DTX2: variants seen among roughly 807,000 people sequenced by gnomAD.
The protein encoded by DTX2 is probable E3 ubiquitin-protein ligase DTX2.
A neutral mutation model predicts 55.3 loss-of-function variants in DTX2; 29 were observed. That is an observed-to-expected ratio of 0.52 (90% CI 0.39 to 0.71). DTX2 has a LOEUF of 0.71. Among genes scored for constraint, DTX2 ranks in the 30% least tolerant of loss-of-function variants. DTX2 has a pLI of 0.00. For missense variants in DTX2, 537 were observed against 822.5 expected (o/e 0.65, Z 4.25); for synonymous variants, 276 against 340.4 (o/e 0.81, Z 2.08).
intron 3 of DTX2, among the ~76,000 whole-genome samples, chr7:76,481,455 G>A (rs1187303450): frequency 1.3e-5 from 2 of 152,150 alleles, no homozygotes; most frequent in African/African-American, 4.8e-5. Context: ...CCAAAGTGCT[G>A]GGATTACAAG....
In DTX2 at chr7:76,503,564, T is replaced by C. The variant is rs1811980624; in HGVS notation, c.1528T>C (p.Tyr510His). 2 of 1,612,040 alleles carry C rather than the reference T, an allele frequency of 1.2e-6. No individual in the cohort carries two copies. Among genetic ancestry groups the C allele is most frequent in the African/African-American group, 2.7e-5 (2 of 75,016 alleles). The change falls in exon 9 of 11, where the codon TAC becomes CAC. Residue 510 changes from tyrosine to histidine, a missense_variant. Physicochemically the swap from Tyr to His is moderately conservative, Grantham distance 83. This residue lies in a region of DTX2 where 121 missense variants were observed against 136.8 expected (regional missense o/e 0.88). Transcript: ENST00000430490. ...GGACTGCGGGACCATCCTCATAGTT[T>C]ACAGCATTCCCCATGGTATCCAGGT... The part of the protein sequence containing the change: ...HEDCGTILIV[Y>H]SIPHGIQGPE...
At chr7:76,477,833 T>C (rs1808716114) in intron 2 of DTX2, among the ~76,000 whole-genome samples, 1 of 135,944 alleles carries the variant, frequency 7.4e-6, no homozygotes, top group Admixed American at 7.5e-5. Flanking sequence ...AATAAATAAA[T>C]AAATAAATGT....
At chr7:76,501,631 C>T (rs1361732306) in intron 7 of DTX2, among the ~76,000 whole-genome samples, 6 of 151,622 alleles carry the variant, frequency 4.0e-5, no homozygotes, top group Non-Finnish European at 8.8e-5. Context: ...CCACCCCCTG[C>T]CAGCTTTAGT....
chr7:76,498,930 TGTG>T (rs1167631843), intron 6 of DTX2, among the ~76,000 whole-genome samples: 1 of 43,348 alleles, frequency 2.3e-5, no homozygotes, highest in Admixed American at 2.4e-4. Context: ...TGTGTGGAGG[TGTG>T]GGGTGTATGG....
chr7:76,504,919 C>T (rs11980492), intron 10 of DTX2, among the ~76,000 whole-genome samples: 54,165 of 151,656 alleles, frequency 0.36, 10,409 homozygotes, highest in East Asian at 0.43. Flanking sequence ...GAGCGCCCAG[C>T]GAAGCCACGG....
chr7:76,486,931 C>G (rs1351809738), intron 4 of DTX2, among the ~76,000 whole-genome samples: 7 of 144,064 alleles, frequency 4.9e-5, no homozygotes, highest in Non-Finnish European at 9.2e-5. Context: ...CCTGCTGCCA[C>G]CTGTCTTTTG....
intron 2 of DTX2, among the ~76,000 whole-genome samples, chr7:76,467,901 G>C (rs1275725734): frequency 1.3e-5 from 2 of 152,266 alleles, no homozygotes; most frequent in African/African-American, 2.4e-5. Context: ...GGGGGACGAA[G>C]GGCATGAAAC....
chr7:76,475,620 G>T (rs1490793199), intron 2 of DTX2, among the ~76,000 whole-genome samples: 4 of 151,446 alleles, frequency 2.6e-5, no homozygotes, highest in Non-Finnish European at 5.9e-5. Context: ...CCGGGAGGCG[G>T]AGGTTGCAGT....
At chr7:76,502,525 G>C in intron 8 of DTX2, 69 bp downstream of exon 8, 1 of 1,540,600 alleles carries the variant, frequency 6.5e-7, no homozygotes, top group Non-Finnish European at 8.8e-7. Context: ...CCCTGCAGGG[G>C]CGGGAGGGTT....
chr7:76,501,080 G>A (rs1238919164), intron 7 of DTX2, among the ~76,000 whole-genome samples: 20 of 150,956 alleles, frequency 1.3e-4, no homozygotes, highest in African/African-American at 4.9e-4. Flanking sequence ...CCTCTACTGA[G>A]CCACGTTTTG....
intron 2 of DTX2, among the ~76,000 whole-genome samples, chr7:76,465,227 A>G (rs1638101): frequency 0.55 from 70,130 of 127,158 alleles, 18,482 homozygotes; most frequent in African/African-American, 0.63. Flanking sequence ...ATTCAGGGTG[A>G]AGCAGAGTCA....
intron 7 of DTX2, chr7:76,501,349 C>T (rs1275421109): frequency 2.2e-6 from 1 of 451,676 alleles, no homozygotes; most frequent in Non-Finnish European, 4.4e-6. Context: ...CCACCCCTTC[C>T]ACAAGCCCTT....
chr7:76,483,385 T>C (rs1799171), intron 4 of DTX2, among the ~76,000 whole-genome samples: 82,747 of 136,610 alleles, frequency 0.61, 22,613 homozygotes, highest in African/African-American at 0.68. Context: ...CTTTCACTCA[T>C]GATGATTAAG....
Position 76,492,261 on chromosome 7 carries a change from C to G in DTX2, c.1009+8C>G. On this transcript the variant is annotated splice_region_variant and intron_variant, in intron 5 of 10. Coordinates refer to ENST00000430490, the MANE Select transcript of DTX2 (RefSeq NM_001102594.3). ...TCCAGCAGGCGCTCGCAGGTAGGTG[C>G]CTGACCTCGGGCTGCAGAGCAGTCT... 4 of 990,436 alleles carry G rather than the reference C, an allele frequency of 4.0e-6. 1 individual carries two copies. In the South Asian group the frequency reaches 8.1e-5, roughly 20 times the overall value. The allele number at this position is 990,436 out of a possible 1,614,324, so 61.4% of individuals were successfully genotyped here. A position where few individuals can be genotyped will look rare whatever the true frequency, so the allele number is the denominator to read the frequency against.
intron 3 of DTX2, among the ~76,000 whole-genome samples, chr7:76,481,636 C>T (rs1487237654): frequency 6.6e-6 from 1 of 151,726 alleles, no homozygotes; most frequent in African/African-American, 2.4e-5. Flanking sequence ...GTTGTTACAG[C>T]TGAGTGGGTG....
chr7:76,499,073 G>A (rs1811324200), intron 6 of DTX2, among the ~76,000 whole-genome samples: 1 of 27,316 alleles, frequency 3.7e-5, no homozygotes, highest in African/African-American at 2.9e-4. Context: ...GCTGTGTGTG[G>A]TGTGTGGAGG....
intron 2 of DTX2, among the ~76,000 whole-genome samples, chr7:76,474,083 G>A (rs1482236677): frequency 2.7e-5 from 4 of 150,828 alleles, no homozygotes; most frequent in African/African-American, 7.3e-5. Context: ...CACCACGCCC[G>A]GCAAATTTTG....
In DTX2 at chr7:76,505,006, G is replaced by C. The variant is rs1436374363; in HGVS notation, c.1642-368G>C. Among the ~76,000 whole-genome samples, 1 of 150,418 alleles carries C rather than the reference G, an allele frequency of 6.6e-6. No homozygotes were observed. The highest frequency in any genetic ancestry group is 2.5e-5 in the African/African-American group (1 of 40,806). On this transcript the variant is annotated intron_variant, in intron 10 of 10. Coordinates refer to ENST00000430490, the MANE Select transcript of DTX2 (RefSeq NM_001102594.3). This position sits in a 1 kb window ranked among gnomAD's most constrained non-coding sequence, Gnocchi z 4.4. ...GCTTGAGGTGGCGGAGCTGGAGGCGGGGAGAGGGCAGGGAGAGGGCAGGGA... is the reference window on the plus strand; with the variant it reads ...GCTTGAGGTGGCGGAGCTGGAGGCGCGGAGAGGGCAGGGAGAGGGCAGGGA...
chr7:76,491,283 A>C (rs952228796), intron 4 of DTX2, among the ~76,000 whole-genome samples: 2 of 144,296 alleles, frequency 1.4e-5, no homozygotes, highest in Admixed American at 7.0e-5. Flanking sequence ...GGCGTGAGCC[A>C]CTGCACCCAG....
Sources: allele counts gnomAD v4.1 joint callset (sites outside exome capture counted in the v4.1 genomes callset), GRCh38; gene constraint gnomAD v4.1.1; regional missense constraint gnomAD v4.1.1; non-coding constraint Gnocchi (gnomAD v3.1); transcripts MANE v1.5; gene names NCBI Gene and HGNC (gene_info 2026-07-23, HGNC 2026-07-21).